ZNRF2: variants seen among roughly 807,000 people sequenced by gnomAD.
ZNRF2 encodes the protein zinc and ring finger 2.
ZNRF2 carries 16 observed loss-of-function variants against 20.4 expected under a neutral mutation model. The ratio of observed to expected loss-of-function variants is 0.79; its 90% CI spans 0.53 to 1.19. The LOEUF is 1.19. ZNRF2 is among the 50% of genes most tolerant of loss of function. The probability of loss-of-function intolerance (pLI) is 0.00; values close to 1 mark genes in which losing one functional copy is unlikely to be tolerated. For synonymous variants in ZNRF2, 178 were observed against 144.9 expected (o/e 1.23, Z -1.64); for missense variants, 363 against 332.4 (o/e 1.09, Z -0.72).
intron 1 of ZNRF2, among the ~76,000 whole-genome samples, chr7:30,295,050 A>AGGGTGTGT (rs1412764480): frequency 2.6e-5 from 1 of 38,238 alleles, no homozygotes; most frequent in Non-Finnish European, 4.8e-5. Context: ...AGAGAGAGAG[A>AGGGTGTGT]GTGTGTGTGT....
chr7:30,360,377 A>G (rs1016923024), intron 3 of ZNRF2, among the ~76,000 whole-genome samples: 2 of 152,224 alleles, frequency 1.3e-5, no homozygotes, highest in Non-Finnish European at 2.9e-5. Context: ...TTATATTTAT[A>G]TAATGGAATG....
chr7:30,339,588 AT>A (rs1277393632), intron 2 of ZNRF2, among the ~76,000 whole-genome samples: 4 of 151,962 alleles, frequency 2.6e-5, no homozygotes, highest in Non-Finnish European at 4.4e-5. Context: ...GTGTGGTGTT[AT>A]TTCTGAGGCC....
intron 2 of ZNRF2, among the ~76,000 whole-genome samples, chr7:30,346,847 T>C (rs998954923): frequency 6.6e-6 from 1 of 152,160 alleles, no homozygotes; most frequent in Admixed American, 6.5e-5. Context: ...GTAATTTTAA[T>C]ATTAGAGTTT....
intron 2 of ZNRF2, among the ~76,000 whole-genome samples, chr7:30,352,727 C>G (rs1383007168): frequency 6.6e-6 from 1 of 151,984 alleles, no homozygotes; most frequent in Non-Finnish European, 1.5e-5. Context: ...GTAGTCTACC[C>G]CAAGATATTC....
rs776061440 is a variant in ZNRF2, at chr7:30,321,085, C to T, written c.470-2557C>T. ...TTCTATTTTCTTCCCTGCCCGTTGC[C>T]GTGCCTGGTATTCTCAATTCCGAAT... On this transcript the variant is annotated intron_variant, in intron 1 of 4. Coordinates refer to ENST00000323037, the MANE Select transcript of ZNRF2 (RefSeq NM_147128.4). Among the ~76,000 whole-genome samples, 114 of 152,196 alleles carry T rather than the reference C, an allele frequency of 7.5e-4. 2 individuals are homozygous for T. Among genetic ancestry groups the T allele is most frequent in the African/African-American group, 2.6e-3 (106 of 41,522 alleles).
chr7:30,332,696 G>T (rs560881291), intron 2 of ZNRF2, among the ~76,000 whole-genome samples: 1 of 152,222 alleles, frequency 6.6e-6, no homozygotes, highest in African/African-American at 2.4e-5. Context: ...TGCTGCAAAT[G>T]ATATTGTTTC....
chr7:30,347,678 A>G (rs1379738593), intron 2 of ZNRF2, among the ~76,000 whole-genome samples: 1 of 152,084 alleles, frequency 6.6e-6, no homozygotes, highest in Non-Finnish European at 1.5e-5. Flanking sequence ...GTACCACTGC[A>G]CTCCAGCCCA....
intron 2 of ZNRF2, among the ~76,000 whole-genome samples, chr7:30,345,879 C>T (rs1246015829): frequency 1.3e-5 from 2 of 152,132 alleles, no homozygotes; most frequent in African/African-American, 2.4e-5. Context: ...GTTACAGTTC[C>T]AGATACAGCA....
At chr7:30,360,145 A>G (rs1195376980) in intron 3 of ZNRF2, among the ~76,000 whole-genome samples, 1 of 152,234 alleles carries the variant, frequency 6.6e-6, no homozygotes, top group Non-Finnish European at 1.5e-5. Flanking sequence ...CAGTGCTACT[A>G]TTCAAAGTAC....
chr7:30,366,459 G>A lies in ZNRF2; in HGVS notation c.*447G>A, dbSNP rs1800217355. 1 of 152,412 alleles carries A rather than the reference G, an allele frequency of 6.6e-6. No individual in the cohort carries two copies. Among genetic ancestry groups the A allele is most frequent in the African/African-American group, 2.4e-5 (1 of 41,402 alleles). The allele number at this position is 152,412 out of a possible 1,614,324, so 9.4% of individuals were successfully genotyped here. A position where few individuals can be genotyped will look rare whatever the true frequency, so the allele number is the denominator to read the frequency against. ...TTTTCCCCAACATAATGTTCATAAT[G>A]TTTCTGCATTCATCTGTTCTTAAAT... is the stretch of plus-strand genomic sequence containing the variant. On this transcript the variant is annotated 3_prime_UTR_variant, in exon 5 of 5. Coordinates refer to ENST00000323037, the MANE Select transcript of ZNRF2 (RefSeq NM_147128.4).
rs1452356385 is a variant in ZNRF2, at chr7:30,367,280, TA to T, written c.*1270del. The T allele has an allele frequency of 6.6e-6, 1 of 152,516 alleles. No homozygotes were observed. Among genetic ancestry groups the T allele is most frequent in the East Asian group, 1.9e-4 (1 of 5,202 alleles). The allele number at this position is 152,516 out of a possible 1,614,324, so 9.4% of individuals were successfully genotyped here. A position where few individuals can be genotyped will look rare whatever the true frequency, so the allele number is the denominator to read the frequency against. On this transcript the variant is annotated 3_prime_UTR_variant, in exon 5 of 5. Coordinates refer to ENST00000323037, the MANE Select transcript of ZNRF2 (RefSeq NM_147128.4). ...AGAAATGTGTTAAACAAAATTATGT[TA>T]ATAAATATTCCCACATAATACATCT...
At chr7:30,328,350 A>G (rs1350187037) in intron 2 of ZNRF2, among the ~76,000 whole-genome samples, 1 of 152,230 alleles carries the variant, frequency 6.6e-6, no homozygotes, top group East Asian at 1.9e-4. Flanking sequence ...TACATCAGAT[A>G]CATTGGGCCT....
intron 2 of ZNRF2, among the ~76,000 whole-genome samples, chr7:30,353,154 C>T (rs1166790761): frequency 2.0e-5 from 3 of 152,098 alleles, no homozygotes; most frequent in Non-Finnish European, 4.4e-5. Flanking sequence ...CTATGTGAAG[C>T]TGTAATCATG....
intron 3 of ZNRF2, among the ~76,000 whole-genome samples, chr7:30,357,750 A>G (rs925423835): frequency 6.6e-6 from 1 of 152,148 alleles, no homozygotes; most frequent in Non-Finnish European, 1.5e-5. Context: ...ACAATGTAAC[A>G]ATGAGTTCTA....
intron 1 of ZNRF2, among the ~76,000 whole-genome samples, chr7:30,291,623 G>A (rs1478133394): frequency 6.6e-6 from 1 of 152,168 alleles, no homozygotes; most frequent in Non-Finnish European, 1.5e-5. Flanking sequence ...AAGATGAAAA[G>A]AACAAGTTTT....
intron 2 of ZNRF2, among the ~76,000 whole-genome samples, chr7:30,352,375 T>C (rs1799973193): frequency 6.6e-6 from 1 of 152,052 alleles, no homozygotes; most frequent in Non-Finnish European, 1.5e-5. Flanking sequence ...ATTGAAGTGA[T>C]TCTAGTGCCC....
chr7:30,321,746 A>G (rs564471150), intron 1 of ZNRF2, among the ~76,000 whole-genome samples: 1 of 152,290 alleles, frequency 6.6e-6, no homozygotes, highest in African/African-American at 2.4e-5. Flanking sequence ...CAAATTTTTT[A>G]AGTTTCAAGG....
chr7:30,294,789 A>G lies in ZNRF2; in HGVS notation c.469+8963A>G, dbSNP rs1221376658. ...GACAGAGCAAGACTCCATCTCAGAA[A>G]AAAAAAGTATTGCACCATGGTCAGA... is the stretch of plus-strand genomic sequence containing the variant. On this transcript the variant is annotated intron_variant, in intron 1 of 4. Coordinates refer to ENST00000323037, the MANE Select transcript of ZNRF2 (RefSeq NM_147128.4). Among the ~76,000 whole-genome samples, 6 of 152,068 alleles carry G rather than the reference A, an allele frequency of 3.9e-5. 1 individual carries two copies. In the South Asian group the frequency reaches 8.3e-4, roughly 21 times the overall value.
chr7:30,346,619 C>T (rs1268862413), intron 2 of ZNRF2, among the ~76,000 whole-genome samples: 1 of 151,922 alleles, frequency 6.6e-6, no homozygotes, highest in African/African-American at 2.4e-5. Context: ...TTTTTGAAAG[C>T]CAGAATTTTT....
Sources: allele counts gnomAD v4.1 joint callset (sites outside exome capture counted in the v4.1 genomes callset), GRCh38; gene constraint gnomAD v4.1.1; transcripts MANE v1.5; gene names NCBI Gene and HGNC (gene_info 2026-07-23, HGNC 2026-07-21).